Variants in SCLT1 observed in about 807,000 individuals in gnomAD.
SCLT1 encodes the protein sodium channel and clathrin linker 1, also known as sodium channel-associated protein 1.
Under a neutral mutation model 112.8 loss-of-function variants are expected in SCLT1, and 78 were observed. That is an observed-to-expected ratio of 0.69 (90% CI 0.58 to 0.83). SCLT1 has a LOEUF of 0.83. Ranked by LOEUF, SCLT1 falls within the 40% of genes least tolerant of loss-of-function variation. The probability of loss-of-function intolerance (pLI) is 0.00; values close to 1 mark genes in which losing one functional copy is unlikely to be tolerated. For missense variants in SCLT1, 747 were observed against 770.4 expected, an observed-to-expected ratio of 0.97 and a Z score of 0.36; for synonymous variants, 257 against 254.7, an observed-to-expected ratio of 1.01 and a Z score of -0.09.
At chr4:128,937,155 G>A (rs972385412) in intron 17 of SCLT1, among the ~76,000 whole-genome samples, 2 of 151,954 alleles carry the variant, frequency 1.3e-5, no homozygotes, top group Non-Finnish European at 2.9e-5. Context: ...GCACACGCCT[G>A]TAATCCCAGC....
intron 18 of SCLT1, among the ~76,000 whole-genome samples, chr4:128,936,320 T>G (rs183124176): frequency 6.6e-6 from 1 of 152,234 alleles, no homozygotes; most frequent in African/African-American, 2.4e-5. Flanking sequence ...AATCTCAAGT[T>G]CATCTGAGGA....
intron 14 of SCLT1, among the ~76,000 whole-genome samples, chr4:128,951,890 C>T (rs899259897): frequency 1.3e-5 from 2 of 152,148 alleles, no homozygotes; most frequent in African/African-American, 4.8e-5. Flanking sequence ...AAGATCCCGT[C>T]ATGTGCTCTC....
chr4:129,053,458 G>A (rs904956178), intron 2 of SCLT1, among the ~76,000 whole-genome samples: 1 of 149,004 alleles, frequency 6.7e-6, no homozygotes, highest in African/African-American at 2.5e-5. Flanking sequence ...ACTTCTTAAT[G>A]CATTGATCCC....
At chr4:128,879,819 AAGG>A (rs1007614039), downstream of SCLT1, among the ~76,000 whole-genome samples, 30 of 152,306 alleles carry the variant, frequency 2.0e-4, no homozygotes, top group Admixed American at 1.1e-3. Context: ...GTTTAAATGA[AAGG>A]AGATCTAGTC....
intron 5 of SCLT1, among the ~76,000 whole-genome samples, chr4:129,029,447 T>C (rs539272633): frequency 4.0e-5 from 6 of 150,314 alleles, no homozygotes; most frequent in Non-Finnish European, 5.9e-5. Context: ...AAACACCGCA[T>C]GTTCTCACTC....
At position 128,959,585 on chromosome 4, in the gene SCLT1, T is replaced by C; in HGVS notation, c.1047+15A>G. 6.3e-7 allele frequency: 1 copy of C among 1,595,648 alleles called. No homozygotes were observed. Among genetic ancestry groups the C allele is most frequent in the Non-Finnish European group, 8.6e-7 (1 of 1,164,688 alleles). ...ACATTTTATTATATCTAAACATATT[T>C]ACTAGCTTTCTTACCTGACTTTTTT... On this transcript the variant is annotated intron_variant, in intron 12 of 20. Coordinates refer to ENST00000281142, the MANE Select transcript of SCLT1 (RefSeq NM_144643.4).
At chr4:129,008,789 T>A (rs1306241987) in intron 5 of SCLT1, among the ~76,000 whole-genome samples, 1 of 152,206 alleles carries the variant, frequency 6.6e-6, no homozygotes, top group Non-Finnish European at 1.5e-5. Flanking sequence ...CTCATTATTC[T>A]TTTTCCTGAT....
At chr4:129,085,745 T>C (rs1481360678) in intron 1 of SCLT1, among the ~76,000 whole-genome samples, 3 of 152,182 alleles carry the variant, frequency 2.0e-5, no homozygotes, top group African/African-American at 7.2e-5. Flanking sequence ...CCATTATCCT[T>C]AGCAAACTAA....
At chr4:129,092,271 A>G (rs1347116371) in intron 1 of SCLT1, among the ~76,000 whole-genome samples, 1 of 152,128 alleles carries the variant, frequency 6.6e-6, no homozygotes, top group Admixed American at 6.5e-5. Flanking sequence ...TAAATATTCC[A>G]ATTCAATTTA....
At chr4:128,981,344 T>C (rs1172702109) in intron 9 of SCLT1, among the ~76,000 whole-genome samples, 4 of 152,152 alleles carry the variant, frequency 2.6e-5, no homozygotes, top group African/African-American at 9.7e-5. Context: ...GAAAGGCCAC[T>C]AGCCACCAAG....
At chr4:129,075,148 C>T (rs1424112484) in intron 2 of SCLT1, among the ~76,000 whole-genome samples, 2 of 152,130 alleles carry the variant, frequency 1.3e-5, no homozygotes, top group African/African-American at 4.8e-5. Flanking sequence ...ACTCTGTAAG[C>T]ACTCTAATTA....
At chr4:128,903,386 T>C (rs142306992) in intron 18 of SCLT1, among the ~76,000 whole-genome samples, 42 of 152,316 alleles carry the variant, frequency 2.8e-4, no homozygotes, top group Non-Finnish European at 4.9e-4. Flanking sequence ...AAATGTTATG[T>C]GGTACATTAC....
Position 128,970,395 on chromosome 4 carries a change from C to T in SCLT1, c.760G>A (p.Gly254Arg). ...GAAAATACCTTCTTTTTCATCTGTCCCTGCAGATCTTCAGTCACATTAGTT... is the reference window on the plus strand; with the variant it reads ...GAAAATACCTTCTTTTTCATCTGTCTCTGCAGATCTTCAGTCACATTAGTT... ...ELTNVTEDLQGQMKKKEKDVV... is the reference protein window; with the variant it reads ...ELTNVTEDLQRQMKKKEKDVV... Residue 254 changes from glycine to arginine, a missense_variant, in exon 10 of 21, where the codon GGA becomes AGA. Coordinates refer to ENST00000281142, the MANE Select transcript of SCLT1 (RefSeq NM_144643.4). 4 of 1,589,092 alleles carry T rather than the reference C, an allele frequency of 2.5e-6. 1 individual carries two copies. The highest frequency in any genetic ancestry group is 2.6e-6 in the Non-Finnish European group (3 of 1,158,160).
At chr4:128,913,830 T>C (rs146779479) in intron 18 of SCLT1, among the ~76,000 whole-genome samples, 29 of 152,334 alleles carry the variant, frequency 1.9e-4, no homozygotes, top group Admixed American at 4.6e-4. Flanking sequence ...TGAGACCAAT[T>C]AATGTTTGTC....
chr4:129,067,170 G>A (rs1267432169), intron 2 of SCLT1, among the ~76,000 whole-genome samples: 1 of 151,434 alleles, frequency 6.6e-6, no homozygotes, highest in Non-Finnish European at 1.5e-5. Context: ...CCTAATTCCT[G>A]ACATAGAAAA....
intron 17 of SCLT1, among the ~76,000 whole-genome samples, chr4:128,942,696 G>A (rs1456274295): frequency 5.3e-5 from 8 of 152,100 alleles, no homozygotes; most frequent in Non-Finnish European, 1.0e-4. Flanking sequence ...AAGGCAGTCT[G>A]TAAAGTTATC....
At chr4:129,043,854 T>C in intron 3 of SCLT1, 139 bp downstream of exon 3, 2 of 594,092 alleles carry the variant, frequency 3.4e-6, no homozygotes, top group Non-Finnish European at 6.0e-6. Context: ...CTGTAATACT[T>C]GCTTTTTCTT....
At chr4:128,998,008 A>T in intron 7 of SCLT1, 69 bp from the exon 8 acceptor site, 1 of 701,896 alleles carries the variant, frequency 1.4e-6, no homozygotes, top group South Asian at 4.2e-5. Flanking sequence ...TTAAAATTAA[A>T]CTAAAATCAA....
intron 5 of SCLT1, among the ~76,000 whole-genome samples, chr4:129,029,593 G>T (rs544969664): frequency 1.3e-5 from 2 of 151,496 alleles, no homozygotes; most frequent in South Asian, 4.2e-4. Context: ...CGAGTTAATG[G>T]GTGCAGCACA....
Sources: allele counts gnomAD v4.1 joint callset (sites outside exome capture counted in the v4.1 genomes callset), GRCh38; gene constraint gnomAD v4.1.1; transcripts MANE v1.5; gene names NCBI Gene and HGNC (gene_info 2026-07-23, HGNC 2026-07-21).